The following ADIPOR2 variants were observed in gnomAD, a reference collection of about 807,000 sequenced individuals.
ADIPOR2 encodes adiponectin receptor protein 2.
In ADIPOR2, 18 loss-of-function variants were observed where a neutral mutation model predicts 40.9. The ratio of observed to expected loss-of-function variants is 0.44; its 90% confidence interval spans 0.30 to 0.65. The LOEUF (loss-of-function observed/expected upper bound fraction) is 0.65, where lower values mean the gene tolerates loss of function less well. ADIPOR2 is among the 30% of genes least tolerant of loss of function. ADIPOR2 has a pLI of 0.09. For synonymous variants in ADIPOR2, 165 were observed against 166.4 expected, an observed-to-expected ratio of 0.99 and a Z score of 0.06; for missense variants, 283 against 479.2, an observed-to-expected ratio of 0.59 and a Z score of 3.82.
intron 1 of ADIPOR2, among the ~76,000 whole-genome samples, chr12:1,733,494 A>C (rs554774206): frequency 6.6e-6 from 1 of 152,102 alleles, no homozygotes; most frequent in Non-Finnish European, 1.5e-5. Flanking sequence ...ATTGGATCAG[A>C]GTTTCTTCTA....
intron 1 of ADIPOR2, among the ~76,000 whole-genome samples, chr12:1,738,143 T>G (rs2094734999): frequency 7.1e-6 from 1 of 141,724 alleles, no homozygotes; most frequent in Non-Finnish European, 1.5e-5. Flanking sequence ...GAGGCTGAGA[T>G]GGATGGATTG....
chr12:1,691,502 G>A (rs1287066781), intron 1 of ADIPOR2, among the ~76,000 whole-genome samples: 1 of 152,216 alleles, frequency 6.6e-6, no homozygotes, highest in East Asian at 1.9e-4. Context: ...GGAGCCTGCT[G>A]CCCTCTGCTC....
intron 1 of ADIPOR2, chr12:1,696,182 T>G (rs1178299117): frequency 6.5e-6 from 1 of 152,988 alleles, no homozygotes; most frequent in Non-Finnish European, 1.5e-5. Flanking sequence ...ACTGAATTTT[T>G]TCCTTAGTTG....
intron 1 of ADIPOR2, among the ~76,000 whole-genome samples, chr12:1,732,403 T>C (rs1245813479): frequency 1.3e-5 from 2 of 152,236 alleles, no homozygotes; most frequent in African/African-American, 2.4e-5. Flanking sequence ...ATTGGAGTCA[T>C]ATAATATGTA....
chr12:1,785,717 G>T (rs1862815811), intron 7 of ADIPOR2, among the ~76,000 whole-genome samples: 2 of 152,194 alleles, frequency 1.3e-5, no homozygotes, highest in African/African-American at 4.8e-5. Context: ...GTAGAGCTTA[G>T]TGGCAGCACC....
At chr12:1,736,074 G>T (rs1425930522) in intron 1 of ADIPOR2, among the ~76,000 whole-genome samples, 3 of 152,164 alleles carry the variant, frequency 2.0e-5, no homozygotes, top group African/African-American at 7.2e-5. Flanking sequence ...TTTTGTCTCT[G>T]CCAGGCTTTG....
intron 2 of ADIPOR2, among the ~76,000 whole-genome samples, chr12:1,758,273 AT>A (rs1309594174): frequency 6.6e-6 from 1 of 152,122 alleles, no homozygotes; most frequent in African/African-American, 2.4e-5. Context: ...CCTCTCTTTG[AT>A]TTTCCTTTTA....
chr12:1,725,754 A>G (rs1320555835), intron 1 of ADIPOR2, among the ~76,000 whole-genome samples: 1 of 152,240 alleles, frequency 6.6e-6, no homozygotes, highest in East Asian at 1.9e-4. Context: ...ATATAATACA[A>G]ATACACAAAT....
At chr12:1,769,639 C>T (rs1592625342) in intron 2 of ADIPOR2, among the ~76,000 whole-genome samples, 1 of 151,090 alleles carries the variant, frequency 6.6e-6, no homozygotes, top group Non-Finnish European at 1.5e-5. Context: ...CTCCTGGGTT[C>T]AAGCGATTCT....
chr12:1,721,949 A>C (rs1285834601), intron 1 of ADIPOR2, among the ~76,000 whole-genome samples: 1 of 152,192 alleles, frequency 6.6e-6, no homozygotes, highest in Non-Finnish European at 1.5e-5. Flanking sequence ...CAGGGTCTAA[A>C]TCATTTAAGG....
chr12:1,757,459 G>A lies in ADIPOR2; in HGVS notation c.171+2945G>A, dbSNP rs1009685752. The A allele has an allele frequency of 1.4e-5, 10 of 725,996 alleles. No homozygotes were observed. In the African/African-American group the frequency reaches 1.6e-4, roughly 11 times the overall value. 45.0% of individuals were successfully genotyped at this position (725,996 alleles called of 1,614,324 possible). A position where few individuals can be genotyped will look rare whatever the true frequency, so the allele number is the denominator to read the frequency against. ...TTGGTTATCACACCAGTTCTTCCCA[G>A]GTTAGCACCTACAGTCACCATGCAT... is the stretch of plus-strand genomic sequence containing the variant. On this transcript the variant is annotated intron_variant, in intron 2 of 7. Transcript: ENST00000357103.
chr12:1,777,383 T>C (rs1008890818), intron 3 of ADIPOR2, among the ~76,000 whole-genome samples: 11 of 34,642 alleles, frequency 3.2e-4, no homozygotes, highest in East Asian at 1.4e-3. Flanking sequence ...TTTTTCTTTC[T>C]TTTTTTTTTT....
At chr12:1,767,136 T>A (rs1450411387) in intron 2 of ADIPOR2, among the ~76,000 whole-genome samples, 2 of 152,000 alleles carry the variant, frequency 1.3e-5, no homozygotes, top group Non-Finnish European at 2.9e-5. Flanking sequence ...CCGGGCGTGG[T>A]GGCAGGCGCC....
intron 1 of ADIPOR2, among the ~76,000 whole-genome samples, chr12:1,720,544 C>A (rs1260012135): frequency 1.3e-5 from 2 of 152,194 alleles, no homozygotes; most frequent in African/African-American, 2.4e-5. Flanking sequence ...GGCAGATCAT[C>A]AGGCATTAGA....
chr12:1,747,160 A>G (rs942494711), intron 1 of ADIPOR2, among the ~76,000 whole-genome samples: 52 of 152,044 alleles, frequency 3.4e-4, no homozygotes, highest in African/African-American at 1.2e-3. Flanking sequence ...CTCAGTAGCT[A>G]TTTTTCTCAA....
intron 1 of ADIPOR2, chr12:1,695,714 T>G (rs2058033): frequency 0.12 from 18,548 of 151,514 alleles, 1,494 homozygotes; most frequent in East Asian, 0.28. Context: ...GTCATTCACC[T>G]TTTTTGGTGG....
intron 2 of ADIPOR2, chr12:1,757,427 C>T (rs1002619889): frequency 5.5e-5 from 40 of 729,388 alleles, no homozygotes; most frequent in Non-Finnish European, 8.2e-5. Context: ...CAGAGTGCCT[C>T]TCTCTGTTGG....
At chr12:1,741,525 A>G (rs1293937796) in intron 1 of ADIPOR2, among the ~76,000 whole-genome samples, 2 of 152,208 alleles carry the variant, frequency 1.3e-5, no homozygotes, top group African/African-American at 4.8e-5. Context: ...AGCAAATCAG[A>G]TAGATGATTG....
At chr12:1,744,602 G>T (rs2094751002) in intron 1 of ADIPOR2, among the ~76,000 whole-genome samples, 1 of 152,194 alleles carries the variant, frequency 6.6e-6, no homozygotes, top group Non-Finnish European at 1.5e-5. Flanking sequence ...CTCCCAAAGT[G>T]CTGGGATTAC....
Sources: gnomAD v4.1 joint callset for allele counts (sites outside exome capture counted in the v4.1 genomes callset) on GRCh38, gnomAD v4.1.1 for gene constraint, MANE v1.5 for transcripts, NCBI Gene and HGNC (gene_info 2026-07-23, HGNC 2026-07-21) for gene names.